ZFPM2: variants seen among roughly 807,000 people sequenced by gnomAD.
ZFPM2 encodes zinc finger protein, FOG family member 2.
ZFPM2 carries 20 observed loss-of-function variants against 98.6 expected under a neutral mutation model. The ratio of observed to expected loss-of-function variants is 0.20; its 90% CI spans 0.14 to 0.29. The LOEUF is 0.29. Among genes scored for constraint, ZFPM2 ranks in the 10% least tolerant of loss-of-function variants. The pLI is 1.00. For synonymous variants in ZFPM2, 518 were observed against 502.7 expected (o/e 1.03, Z -0.41); for missense variants, 1,310 against 1,388.6 (o/e 0.94, Z 0.90).
intron 3 of ZFPM2, among the ~76,000 whole-genome samples, chr8:105,561,021 T>A (rs1174801311): frequency 6.6e-6 from 1 of 152,172 alleles, no homozygotes; most frequent in Non-Finnish European, 1.5e-5. Context: ...AAAATGATTG[T>A]CCTACTGTTT....
intron 3 of ZFPM2, among the ~76,000 whole-genome samples, chr8:105,512,769 T>G (rs939716649): frequency 2.0e-5 from 3 of 152,238 alleles, no homozygotes; most frequent in African/African-American, 7.2e-5. Flanking sequence ...ACTGTATCTT[T>G]GATATAAGAA....
intron 1 of ZFPM2, among the ~76,000 whole-genome samples, chr8:105,411,766 A>G (rs1446316706): frequency 6.6e-6 from 1 of 151,806 alleles, no homozygotes; most frequent in African/African-American, 2.4e-5. Flanking sequence ...CTCTGTCACT[A>G]ACTTCCTGGG....
intron 1 of ZFPM2, among the ~76,000 whole-genome samples, chr8:105,319,301 G>C (rs1257806465): frequency 6.6e-6 from 1 of 152,186 alleles, no homozygotes; most frequent in Non-Finnish European, 1.5e-5. Context: ...CAGCCGGAGG[G>C]GCAGTCCCGC....
chr8:105,793,493 T>G (rs534190759), intron 6 of ZFPM2, among the ~76,000 whole-genome samples: 1 of 152,110 alleles, frequency 6.6e-6, no homozygotes, highest in African/African-American at 2.4e-5. Context: ...GGGTAACCCG[T>G]CCTTTCTCTC....
intron 1 of ZFPM2, among the ~76,000 whole-genome samples, chr8:105,342,172 A>G (rs1409232400): frequency 1.3e-5 from 2 of 152,058 alleles, no homozygotes; most frequent in African/African-American, 4.8e-5. Flanking sequence ...TATGGAGATT[A>G]TAAAGAAACC....
chr8:105,359,649 C>T (rs1486399225), intron 1 of ZFPM2, among the ~76,000 whole-genome samples: 1 of 152,138 alleles, frequency 6.6e-6, no homozygotes, highest in Non-Finnish European at 1.5e-5. Flanking sequence ...GCTGGGATTA[C>T]AGGCGTGAGC....
At chr8:105,353,416 A>C (rs544213476) in intron 1 of ZFPM2, among the ~76,000 whole-genome samples, 72 of 152,304 alleles carry the variant, frequency 4.7e-4, no homozygotes, top group Non-Finnish European at 8.7e-4. Context: ...AACTGAAATA[A>C]GAACACTACA....
At chr8:105,720,784 C>T (rs560621162) in intron 5 of ZFPM2, among the ~76,000 whole-genome samples, 1 of 151,802 alleles carries the variant, frequency 6.6e-6, no homozygotes, top group African/African-American at 2.4e-5. Context: ...TTACCAATAG[C>T]TCTATCACCT....
chr8:105,753,892 A>T (rs1031186903), intron 5 of ZFPM2, among the ~76,000 whole-genome samples: 1 of 152,174 alleles, frequency 6.6e-6, no homozygotes, highest in African/African-American at 2.4e-5. Context: ...CTGCTGTTTC[A>T]GCAAGTGTGT....
At chr8:105,372,378 A>G (rs1810641745) in intron 1 of ZFPM2, among the ~76,000 whole-genome samples, 1 of 152,038 alleles carries the variant, frequency 6.6e-6, no homozygotes, top group African/African-American at 2.4e-5. Context: ...CATACAGAAA[A>G]TGTGGCAAAA....
intron 1 of ZFPM2, among the ~76,000 whole-genome samples, chr8:105,368,018 TGGA>T: frequency 1.5e-5 from 1 of 66,372 alleles, no homozygotes. Flanking sequence ...GTTTATATGC[TGGA>T]TTACATTTAT....
Position 105,487,881 on chromosome 8 carries a change from A to G in ZFPM2, c.301+43500A>G, listed in dbSNP as rs1586408635. Among the ~76,000 whole-genome samples, 4 of 146,718 alleles carry G rather than the reference A, an allele frequency of 2.7e-5. No individual in the cohort carries two copies. The South Asian group carries it at 8.8e-4, about 32-fold the overall frequency. ...ATTTAATTTGTTACTTTAACCCTAT[A>G]AAGTCTGTCTGTCTATCTATCTATC... On this transcript the variant is annotated intron_variant, in intron 3 of 7. Coordinates refer to ENST00000407775, the MANE Select transcript of ZFPM2 (RefSeq NM_012082.4).
chr8:105,369,750 GT>G lies in ZFPM2; in HGVS notation c.41-49388del, dbSNP rs757403530. ...AACTTTTCTATCCAGTAGGCCAAGA[GT>G]TTTTTCTTTTTTTCTTTCTGGAAAG... On this transcript the variant is annotated intron_variant, in intron 1 of 7. Coordinates refer to ENST00000407775, the MANE Select transcript of ZFPM2 (RefSeq NM_012082.4). Among the ~76,000 whole-genome samples, 5 of 152,080 alleles carry G rather than the reference GT, an allele frequency of 3.3e-5. No individual in the cohort carries two copies. The East Asian group carries it at 9.7e-4, about 29-fold the overall frequency.
intron 5 of ZFPM2, among the ~76,000 whole-genome samples, chr8:105,653,558 T>A (rs538059345): frequency 8.1e-4 from 123 of 152,348 alleles, no homozygotes; most frequent in African/African-American, 2.9e-3. Flanking sequence ...CACTCAGACC[T>A]GCTAAATCCA....
chr8:105,460,555 G>T (rs546202315), intron 3 of ZFPM2, among the ~76,000 whole-genome samples: 32 of 152,202 alleles, frequency 2.1e-4, no homozygotes, highest in South Asian at 1.5e-3. Context: ...GGTGAAATGG[G>T]GTTAGGAGTG....
At chr8:105,406,056 G>A (rs566583642) in intron 1 of ZFPM2, among the ~76,000 whole-genome samples, 2 of 151,906 alleles carry the variant, frequency 1.3e-5, no homozygotes, top group Admixed American at 1.3e-4. Context: ...TTTCATGTGT[G>A]TTTTGGCTGC....
intron 5 of ZFPM2, among the ~76,000 whole-genome samples, chr8:105,686,334 C>A (rs1030822443): frequency 6.6e-6 from 1 of 151,712 alleles, no homozygotes; most frequent in Non-Finnish European, 1.5e-5. Context: ...TTTTTAATAT[C>A]GTAATTTCCT....
intron 3 of ZFPM2, among the ~76,000 whole-genome samples, chr8:105,456,900 G>A (rs558896994): frequency 6.6e-6 from 1 of 151,994 alleles, no homozygotes; most frequent in South Asian, 2.1e-4. Flanking sequence ...TGATCCACCC[G>A]CCTGGGCCTC....
chr8:105,323,073 C>A (rs964741146), intron 1 of ZFPM2, among the ~76,000 whole-genome samples: 1 of 151,602 alleles, frequency 6.6e-6, no homozygotes, highest in Non-Finnish European at 1.5e-5. Flanking sequence ...ATTTCTATAA[C>A]CTTAAAATTA....
Sources: allele counts gnomAD v4.1 joint callset (sites outside exome capture counted in the v4.1 genomes callset), GRCh38; gene constraint gnomAD v4.1.1; transcripts MANE v1.5; gene names NCBI Gene and HGNC (gene_info 2026-07-23, HGNC 2026-07-21).